The following TNFRSF19 variants were observed in gnomAD, a reference collection of about 807,000 sequenced individuals.
TNFRSF19 encodes TNF receptor superfamily member 19.
A neutral mutation model predicts 46.4 loss-of-function variants in TNFRSF19; 27 were observed. The observed-to-expected ratio is 0.58, with a 90% CI of 0.43 to 0.80. The LOEUF (loss-of-function observed/expected upper bound fraction) is 0.80. Ranked by LOEUF, TNFRSF19 falls within the 30% of genes least tolerant of loss-of-function variation. The pLI, the probability that TNFRSF19 is intolerant of heterozygous loss-of-function variation, is 0.00. For missense variants in TNFRSF19, 511 were observed against 530.8 expected (o/e 0.96, Z 0.37); for synonymous variants, 204 against 205.0 (o/e 1.00, Z 0.04).
At chr13:23,592,524 T>C (rs1361927308) in intron 2 of TNFRSF19, among the ~76,000 whole-genome samples, 1 of 152,220 alleles carries the variant, frequency 6.6e-6, no homozygotes, top group Non-Finnish European at 1.5e-5. Flanking sequence ...TGCCTAAGTA[T>C]ACATTTTCCA....
rs192869394 is a variant in TNFRSF19 at position 23,653,286 on chromosome 13, G to A, written c.446-5764G>A. 1.2e-4 allele frequency among the ~76,000 whole-genome samples: 18 copies of A among 152,334 alleles called. No individual in the cohort carries two copies. The East Asian group carries it at 1.9e-3, about 16-fold the overall frequency. The stretch of plus-strand genomic sequence containing the variant: ...ACTGACTCTAACCTGGATATGGTCA[G>A]GCTCAGCTGCAGTGTGGCTTCTTGC... On this transcript the variant is annotated intron_variant, in intron 5 of 9. Coordinates refer to ENST00000248484, the MANE Select transcript of TNFRSF19 (RefSeq NM_148957.4).
At chr13:23,615,666 G>A (rs948064590) in intron 3 of TNFRSF19, among the ~76,000 whole-genome samples, 1 of 152,230 alleles carries the variant, frequency 6.6e-6, no homozygotes, top group African/African-American at 2.4e-5. Context: ...GAATAAAGTG[G>A]ATGACTAAGT....
chr13:23,585,615 C>T (rs747161651), intron 1 of TNFRSF19: 1 of 152,090 alleles, frequency 6.6e-6, no homozygotes, highest in Non-Finnish European at 1.5e-5. Flanking sequence ...AACTGTTATC[C>T]CTAGTTAATG....
In TNFRSF19 at chr13:23,570,957, AT is replaced by A. The variant is rs1877600253; in HGVS notation, c.-35+115del. 4 of 152,288 alleles carry A rather than the reference AT, an allele frequency of 2.6e-5. No individual in the cohort carries two copies. In the South Asian group the frequency reaches 8.3e-4, roughly 32 times the overall value. 9.4% of individuals were successfully genotyped at this position (152,288 alleles called of 1,614,324 possible). A position where few individuals can be genotyped will look rare whatever the true frequency, so the allele number is the denominator to read the frequency against. On this transcript the variant is annotated intron_variant, in intron 1 of 9. Transcript: ENST00000248484. ...TCTGAGAAAAGAATGGTTTTAATTA[AT>A]TTTTTAGAAAGCATTTATACAGCTG...
At chr13:23,609,470 G>C (rs570726125) in intron 3 of TNFRSF19, among the ~76,000 whole-genome samples, 2 of 152,016 alleles carry the variant, frequency 1.3e-5, no homozygotes, top group Non-Finnish European at 2.9e-5. Context: ...CCTAGAATTC[G>C]CCCAGCCCCA....
intron 5 of TNFRSF19, among the ~76,000 whole-genome samples, chr13:23,633,569 C>T (rs193077348): frequency 1.3e-5 from 2 of 152,082 alleles, no homozygotes; most frequent in East Asian, 3.9e-4. Flanking sequence ...ATAGCTGGGG[C>T]TGGGCATGGT....
chr13:23,600,378 A>T (rs1319528117), intron 3 of TNFRSF19, among the ~76,000 whole-genome samples: 1 of 152,136 alleles, frequency 6.6e-6, no homozygotes, highest in African/African-American at 2.4e-5. Flanking sequence ...CTGCACTGTT[A>T]TTGACAGCCT....
rs569753215 is a variant in TNFRSF19, at chr13:23,669,462, A to G, written c.1245+365A>G. On this transcript the variant is annotated intron_variant, in intron 9 of 9. Transcript: ENST00000248484. ...GTTATATATACTTATTATTATATATATATTACTTATGCCCAATACTTAAAT... is the reference window on the plus strand; with the variant it reads ...GTTATATATACTTATTATTATATATGTATTACTTATGCCCAATACTTAAAT... 8.1e-6 allele frequency: 8 copies of G among 982,670 alleles called. No individual in the cohort carries two copies. In the Admixed American group the frequency reaches 2.5e-4, roughly 30 times the overall value. The allele number at this position is 982,670 out of a possible 1,614,324, so 60.9% of individuals were successfully genotyped here.
intron 5 of TNFRSF19, among the ~76,000 whole-genome samples, chr13:23,630,205 G>A (rs1001097698): frequency 4.0e-5 from 6 of 151,498 alleles, no homozygotes; most frequent in African/African-American, 1.5e-4. Flanking sequence ...TGGGAGGCTG[G>A]GGTGGGAAGA....
At chr13:23,578,857 G>C (rs1030565459) in intron 1 of TNFRSF19, among the ~76,000 whole-genome samples, 2 of 152,200 alleles carry the variant, frequency 1.3e-5, no homozygotes, top group African/African-American at 4.8e-5. Context: ...AGTGCTTCCC[G>C]GCCTGCAGGA....
chr13:23,636,280 C>T (rs150755031), intron 5 of TNFRSF19, among the ~76,000 whole-genome samples: 15 of 152,040 alleles, frequency 9.9e-5, no homozygotes, highest in South Asian at 6.2e-4. Flanking sequence ...TGCCAGGGGT[C>T]GTAGGAGGCA....
intron 5 of TNFRSF19, among the ~76,000 whole-genome samples, chr13:23,639,828 A>G (rs781509610): frequency 2.0e-5 from 3 of 152,216 alleles, no homozygotes; most frequent in Non-Finnish European, 4.4e-5. Context: ...AGCGCTGCAC[A>G]TGGCTGGATT....
intron 5 of TNFRSF19, among the ~76,000 whole-genome samples, chr13:23,643,070 C>A (rs1688811012): frequency 6.6e-6 from 1 of 152,184 alleles, no homozygotes; most frequent in Non-Finnish European, 1.5e-5. Flanking sequence ...GCGTTCTTAC[C>A]TTTAACCCTT....
intron 1 of TNFRSF19, among the ~76,000 whole-genome samples, chr13:23,582,882 A>T (rs1331727493): frequency 6.6e-6 from 1 of 152,226 alleles, no homozygotes; most frequent in Non-Finnish European, 1.5e-5. Flanking sequence ...CATCCACATT[A>T]TTACAGGTAT....
chr13:23,645,756 T>G (rs908198006), intron 5 of TNFRSF19, among the ~76,000 whole-genome samples: 1 of 152,196 alleles, frequency 6.6e-6, no homozygotes, highest in Non-Finnish European at 1.5e-5. Flanking sequence ...TGATGCTTTT[T>G]GAATTTATAT....
At position 23,659,213 on chromosome 13, in the gene TNFRSF19, C is replaced by T; in HGVS notation, c.609C>T (p.Ser203=). 4 of 1,606,536 alleles carry T rather than the reference C, an allele frequency of 2.5e-6. No homozygotes were observed. The highest frequency in any genetic ancestry group is 3.4e-6 in the Non-Finnish European group (4 of 1,174,748). The change falls in exon 6 of 10, where the codon AGC becomes AGT. Residue 203 remains serine (S), a splice_region_variant and synonymous_variant. Coordinates refer to ENST00000248484, the MANE Select transcript of TNFRSF19 (RefSeq NM_148957.4). The surrounding 1 kb of genome is among the most constrained non-coding windows in gnomAD (Gnocchi z 4.9). The part of the protein sequence containing the change: ...CKRQFMEKKP[S]WSLRSQDIQY... ...GACAGTTTATGGAGAAGAAACCCAG[C>T]TGTAAGTTTTGAGCTCATTACATTT...
intron 5 of TNFRSF19, among the ~76,000 whole-genome samples, chr13:23,636,680 C>A (rs1456374836): frequency 2.6e-5 from 4 of 152,118 alleles, no homozygotes; most frequent in Admixed American, 1.3e-4. Context: ...GCAGAGACAC[C>A]CACAGCAGAG....
intron 5 of TNFRSF19, among the ~76,000 whole-genome samples, chr13:23,633,837 G>T (rs141448830): frequency 1.3e-5 from 2 of 152,040 alleles, no homozygotes; most frequent in Non-Finnish European, 2.9e-5. Context: ...TGACAAGAGC[G>T]AAACTCCATC....
At chr13:23,573,400 A>G (rs1877752274) in intron 1 of TNFRSF19, among the ~76,000 whole-genome samples, 1 of 152,170 alleles carries the variant, frequency 6.6e-6, no homozygotes, top group Non-Finnish European at 1.5e-5. Flanking sequence ...ATAATTTAAC[A>G]TAATTTAACA....
Sources: allele counts gnomAD v4.1 joint callset (sites outside exome capture counted in the v4.1 genomes callset), GRCh38; gene constraint gnomAD v4.1.1; non-coding constraint Gnocchi (gnomAD v3.1); transcripts MANE v1.5; gene names NCBI Gene and HGNC (gene_info 2026-07-23, HGNC 2026-07-21).